Variants in SRL observed in about 807,000 individuals in gnomAD.
SRL encodes sarcalumenin.
Under a neutral mutation model 39.5 loss-of-function variants are expected in SRL, and 23 were observed. The observed-to-expected ratio is 0.58, with a 90% CI of 0.42 to 0.82. The LOEUF (loss-of-function observed/expected upper bound fraction) is 0.82. SRL is among the 40% of genes least tolerant of loss of function. SRL has a pLI of 0.00. For missense variants in SRL, 592 were observed against 607.8 expected, an observed-to-expected ratio of 0.97 and a Z score of 0.27; for synonymous variants, 272 against 237.4, an observed-to-expected ratio of 1.15 and a Z score of -1.34.
At chr16:4,230,651 G>C (rs1401057469) in intron 1 of SRL, among the ~76,000 whole-genome samples, 1 of 151,914 alleles carries the variant, frequency 6.6e-6, no homozygotes, top group Non-Finnish European at 1.5e-5. Context: ...GCCTCCCAAA[G>C]TGCTGGGATT....
Position 4,190,798 on chromosome 16 carries a change from G to C in SRL, c.*1355C>G. ...GGCTGGTGCTGGTTCTGACTCCTAG[G>C]AAATTGCTCCAAGTAAGTGTTGATG... is the stretch of plus-strand genomic sequence containing the variant. On this transcript the variant is annotated 3_prime_UTR_variant, in exon 6 of 6. Coordinates refer to ENST00000399609, the MANE Select transcript of SRL (RefSeq NM_001098814.2). 1 of 252,692 alleles carries C rather than the reference G, an allele frequency of 4.0e-6. No homozygotes were observed. 15.7% of individuals were successfully genotyped at this position (252,692 alleles called of 1,614,324 possible).
intron 1 of SRL, among the ~76,000 whole-genome samples, chr16:4,228,619 C>T (rs913322711): frequency 6.6e-6 from 1 of 151,852 alleles, no homozygotes; most frequent in Non-Finnish European, 1.5e-5. Flanking sequence ...CCTGTAGTCC[C>T]AGCTACTCGG....
Position 4,203,199 on chromosome 16 carries a change from T to C in SRL, c.226A>G (p.Lys76Glu). 1.2e-6 allele frequency: 2 copies of C among 1,614,208 alleles called. No homozygotes were observed. Among genetic ancestry groups the C allele is most frequent in the Non-Finnish European group, 1.7e-6 (2 of 1,180,018 alleles). Residue 76 changes from lysine to glutamate, a missense_variant, in exon 3 of 6, where the codon AAG becomes GAG. Coordinates refer to ENST00000399609, the MANE Select transcript of SRL (RefSeq NM_001098814.2). ...SSIKPLEQSY[K>E]YNELRQHEIT... is the part of the protein sequence containing the mutation. Reference sequence around the variant, plus strand: ...TCATGCTGCCGGAGCTCATTGTACTTGTAGGACTGCTCCAGAGGCTTGATG... The same window carrying C: ...TCATGCTGCCGGAGCTCATTGTACTCGTAGGACTGCTCCAGAGGCTTGATG...
chr16:4,207,059 G>A (rs13334970), intron 1 of SRL: 133,352 of 452,928 alleles, frequency 0.29, 21,727 homozygotes, highest in African/African-American at 0.54. Context: ...GCAGATCCCC[G>A]CCTTCCTGGG....
chr16:4,230,016 G>T (rs944004713), intron 1 of SRL, among the ~76,000 whole-genome samples: 1 of 152,066 alleles, frequency 6.6e-6, no homozygotes, highest in African/African-American at 2.4e-5. Context: ...CCAGGACCCA[G>T]ACCTCCATCC....
chr16:4,199,586 G>C (rs1249738068), intron 3 of SRL, among the ~76,000 whole-genome samples: 1 of 150,932 alleles, frequency 6.6e-6, no homozygotes, highest in Non-Finnish European at 1.5e-5. Context: ...GCCTAGGCTG[G>C]TCTCCAACTC....
intron 1 of SRL, among the ~76,000 whole-genome samples, chr16:4,231,711 A>G (rs998670193): frequency 3.3e-5 from 5 of 152,276 alleles, no homozygotes; most frequent in Non-Finnish European, 7.4e-5. Flanking sequence ...GGATATTAAC[A>G]GTCCTGAGCA....
chr16:4,225,034 G>C (rs139833480), intron 1 of SRL, among the ~76,000 whole-genome samples: 1 of 152,168 alleles, frequency 6.6e-6, no homozygotes, highest in Non-Finnish European at 1.5e-5. Context: ...CGAAAGTCCA[G>C]AATAAGCAAA....
At chr16:4,204,836 G>C (rs1017178638) in intron 1 of SRL, among the ~76,000 whole-genome samples, 1 of 152,148 alleles carries the variant, frequency 6.6e-6, no homozygotes, top group Non-Finnish European at 1.5e-5. Flanking sequence ...ATTCGCATTC[G>C]GGGAGCTGGT....
At chr16:4,216,704 G>A (rs562999025) in intron 1 of SRL, among the ~76,000 whole-genome samples, 8 of 152,346 alleles carry the variant, frequency 5.3e-5, no homozygotes, top group African/African-American at 1.9e-4. Flanking sequence ...CGTGCCTGCA[G>A]TGAACAGAAA....
chr16:4,223,821 G>A (rs999076336), intron 1 of SRL, among the ~76,000 whole-genome samples: 3 of 152,164 alleles, frequency 2.0e-5, no homozygotes, highest in African/African-American at 4.8e-5. Flanking sequence ...TGCAAAGGGT[G>A]GAGGAACCTG....
chr16:4,207,234 T>A, intron 1 of SRL: 2 of 457,076 alleles, frequency 4.4e-6, no homozygotes, highest in Admixed American at 4.7e-5. Flanking sequence ...ACCACTTTCC[T>A]CTTCAGAGGA....
intron 1 of SRL, among the ~76,000 whole-genome samples, chr16:4,223,576 G>T (rs553650888): frequency 6.6e-6 from 1 of 150,756 alleles, no homozygotes; most frequent in African/African-American, 2.4e-5. Context: ...TGTAGAGACA[G>T]GGTCTTACTC....
In SRL at chr16:4,192,950, C is replaced by T. The variant is rs772212368; in HGVS notation, c.625G>A (p.Asp209Asn). 5 of 1,610,358 alleles carry T rather than the reference C, an allele frequency of 3.1e-6. No individual in the cohort carries two copies. The highest frequency in any genetic ancestry group is 3.4e-6 in the Non-Finnish European group (4 of 1,178,390). Residue 209 changes from aspartate (D) to asparagine (N), a missense_variant, in exon 6 of 6, where the codon GAC (aspartate) becomes AAC (asparagine). Coordinates refer to ENST00000399609, the MANE Select transcript of SRL (RefSeq NM_001098814.2). This position sits in a 1 kb window ranked among gnomAD's most constrained non-coding sequence, Gnocchi z 4.0. ...KQQERGYPFN[D>N]VCQWFIDRAD... ...CTGTCGATGAACCACTGGCACACGT[C>T]GTTGAAGGGGTAGCCTTTGGGAGAC...
At position 4,194,742 on chromosome 16, in the gene SRL, G is replaced by T. The variant is rs545379809; in HGVS notation, c.610+811C>A. 1.3e-4 allele frequency among the ~76,000 whole-genome samples: 20 copies of T among 152,140 alleles called. No homozygotes were observed. The East Asian group carries it at 3.5e-3, about 26-fold the overall frequency. ...TCCAAACCAAATCAGTCCTTGGGGAGGTAGGAGCACCAGGCACTCCAAAAC... is the reference window on the plus strand; with the variant it reads ...TCCAAACCAAATCAGTCCTTGGGGATGTAGGAGCACCAGGCACTCCAAAAC... On this transcript the variant is annotated intron_variant, in intron 5 of 5. Transcript: ENST00000399609.
chr16:4,235,802 G>C (rs2052708091), intron 1 of SRL, among the ~76,000 whole-genome samples: 1 of 152,196 alleles, frequency 6.6e-6, no homozygotes, highest in Non-Finnish European at 1.5e-5. Context: ...AAAAAAGCTA[G>C]CCCTGGGCCG....
At chr16:4,230,286 C>T (rs896528043) in intron 1 of SRL, among the ~76,000 whole-genome samples, 2 of 152,128 alleles carry the variant, frequency 1.3e-5, no homozygotes, top group African/African-American at 2.4e-5. Flanking sequence ...GAAACAGGTA[C>T]CCCCTCCACC....
At chr16:4,241,784 C>G (rs557541276) in intron 1 of SRL, among the ~76,000 whole-genome samples, 1 of 152,362 alleles carries the variant, frequency 6.6e-6, no homozygotes, top group Admixed American at 6.5e-5. Context: ...TTCCCACTTC[C>G]TCTGGCCTTC....
At chr16:4,224,406 A>G (rs1031743519) in intron 1 of SRL, among the ~76,000 whole-genome samples, 1 of 152,050 alleles carries the variant, frequency 6.6e-6, no homozygotes, top group Admixed American at 6.6e-5. Context: ...AGATATTTCT[A>G]ATTATAAGAT....
Sources: gnomAD v4.1 joint callset for allele counts (sites outside exome capture counted in the v4.1 genomes callset) on GRCh38, gnomAD v4.1.1 for gene constraint, Gnocchi (gnomAD v3.1) non-coding constraint, MANE v1.5 for transcripts, NCBI Gene and HGNC (gene_info 2026-07-23, HGNC 2026-07-21) for gene names.